Variants in GGA1 observed in about 807,000 individuals in gnomAD.
GGA1 encodes the protein golgi associated, gamma adaptin ear containing, ARF binding protein 1, also known as ADP-ribosylation factor-binding protein GGA1.
GGA1 carries 18 observed loss-of-function variants against 76.9 expected under a neutral mutation model. The ratio of observed to expected loss-of-function variants is 0.23; its 90% CI spans 0.16 to 0.35. GGA1 has a LOEUF of 0.35. GGA1 is among the 10% of genes least tolerant of loss of function. The pLI is 1.00. For missense variants in GGA1, 755 were observed against 859.0 expected (o/e 0.88, Z 1.51); for synonymous variants, 342 against 354.7 (o/e 0.96, Z 0.40).
intron 3 of GGA1, 79 bp downstream of exon 3, chr22:37,617,076 C>T: frequency 6.5e-7 from 1 of 1,550,036 alleles, no homozygotes; most frequent in Non-Finnish European, 8.7e-7. Context: ...TTCTTGGGGT[C>T]CATAAGGCTC....
intron 2 of GGA1, among the ~76,000 whole-genome samples, chr22:37,614,885 A>C (rs919152217): frequency 2.0e-5 from 3 of 152,180 alleles, no homozygotes; most frequent in Non-Finnish European, 4.4e-5. Context: ...AGGCTGAGGC[A>C]GGAGAATTGC....
chr22:37,632,413 G>A lies in GGA1; in HGVS notation c.1707G>A (p.Lys569=), dbSNP rs763333063. 8 of 1,610,016 alleles carry A rather than the reference G, an allele frequency of 5.0e-6. No individual in the cohort carries two copies. The Admixed American group carries it at 1.2e-4, about 23-fold the overall frequency. Residue 569 remains lysine (K), a synonymous_variant, in exon 16 of 17, where the codon AAG becomes AAA. Transcript: ENST00000343632. This position sits in a 1 kb window ranked among gnomAD's most constrained non-coding sequence, Gnocchi z 5.1. ...CTGCCATCTGCCCACAGGTTATGAA[G>A]GTGAAGCTGCAGCCACCCTCGGGCA... ...VFQSAVPKVM[K]VKLQPPSGTE...
chr22:37,609,764 C>T (rs1488992383), intron 1 of GGA1, among the ~76,000 whole-genome samples: 1 of 152,194 alleles, frequency 6.6e-6, no homozygotes, highest in Non-Finnish European at 1.5e-5. Flanking sequence ...GCTGGCTTCT[C>T]CCTGGTCTAG....
At chr22:37,620,488 A>G in intron 5 of GGA1, 127 bp downstream of exon 5, 2 of 993,540 alleles carry the variant, frequency 2.0e-6, no homozygotes, top group African/African-American at 1.6e-5. Context: ...TAACTTCTGG[A>G]GAAAGTACAT....
chr22:37,617,129 G>T (rs1205799975), intron 3 of GGA1, 132 bp downstream of exon 3: 24 of 1,509,550 alleles, frequency 1.6e-5, no homozygotes, highest in Non-Finnish European at 1.9e-5. Flanking sequence ...CCAGGATGGA[G>T]GTCCGGGCCT....
chr22:37,609,181 C>G (rs1926975438), intron 1 of GGA1: 2 of 1,411,844 alleles, frequency 1.4e-6, no homozygotes, highest in East Asian at 7.2e-5. Context: ...ACCCCCGGGA[C>G]GGAGAGAGCA....
rs928808675 is a variant in GGA1, at chr22:37,630,919, AC to A, written c.1354del (p.Arg452GlyfsTer64). On this transcript the variant is annotated frameshift_variant, in exon 14 of 17. Transcript: ENST00000343632. LOFTEE classifies it high-confidence loss of function. ...CCGATTAAGGGAGAAGCAGCAGCCA[AC>A]CCCCCGGCTCACACTCCGGGACCTG... is the stretch of plus-strand genomic sequence containing the variant. ...QQVRWEKQQP[T>X]PRLTLRDLQN... is the part of the protein sequence containing the mutation. 2 of 1,610,074 alleles carry A rather than the reference AC, an allele frequency of 1.2e-6. No homozygotes were observed. Among genetic ancestry groups the A allele is most frequent in the East Asian group, 2.2e-5 (1 of 44,726 alleles).
intron 2 of GGA1, among the ~76,000 whole-genome samples, chr22:37,616,719 C>T (rs1459055019): frequency 6.6e-6 from 1 of 152,200 alleles, no homozygotes; most frequent in Non-Finnish European, 1.5e-5. Context: ...CATAACTGAT[C>T]TGGAGAGGGA....
Position 37,632,144 on chromosome 22 carries a change from G to A in GGA1, c.1677G>A (p.Val559=). ...CCCCCCAGCCCATCCGCAACATCGT[G>A]TTCCAGTCAGCTGTCCCCAAGGTGA... ...STAPQPIRNI[V]FQSAVPKVMK... is the part of the protein sequence containing the mutation. Residue 559 remains valine (V), a synonymous_variant, in exon 15 of 17, where the codon GTG becomes GTA. Coordinates refer to ENST00000343632, the MANE Select transcript of GGA1 (RefSeq NM_013365.5). The surrounding 1 kb of genome is among the most constrained non-coding windows in gnomAD (Gnocchi z 5.1). 6.2e-7 allele frequency: 1 copy of A among 1,612,828 alleles called. No homozygotes were observed. The highest frequency in any genetic ancestry group is 1.1e-5 in the South Asian group (1 of 91,038).
chr22:37,613,703 C>T (rs1467884999), intron 1 of GGA1, among the ~76,000 whole-genome samples: 1 of 152,028 alleles, frequency 6.6e-6, no homozygotes, highest in Non-Finnish European at 1.5e-5. Context: ...CTGGCCCCTC[C>T]TCTGTGTTTC....
chr22:37,613,270 A>C, intron 1 of GGA1: 1 of 614,692 alleles, frequency 1.6e-6, no homozygotes, highest in Non-Finnish European at 2.0e-6. Flanking sequence ...CCATACAGCC[A>C]TGCGTGGGTC....
chr22:37,631,159 C>G, intron 14 of GGA1, 60 bp downstream of exon 14: 2 of 1,346,410 alleles, frequency 1.5e-6, no homozygotes, highest in Non-Finnish European at 2.0e-6. Flanking sequence ...CTGTCAGGAG[C>G]TCTGTCTGGG....
chr22:37,609,986 C>T (rs955841510), intron 1 of GGA1, among the ~76,000 whole-genome samples: 2 of 152,130 alleles, frequency 1.3e-5, no homozygotes, highest in African/African-American at 4.8e-5. Context: ...TCCTAGCCAC[C>T]AGAGGGGCAG....
rs754056164 is a variant in GGA1, at chr22:37,631,042, G to A, written c.1471G>A (p.Val491Ile). The A allele has an allele frequency of 1.8e-5, 29 of 1,610,562 alleles. No individual in the cohort carries two copies. The highest frequency in any genetic ancestry group is 1.6e-4 in the Middle Eastern group (1 of 6,070). The change falls in exon 14 of 17, where the codon GTA becomes ATA. Residue 491 changes from valine to isoleucine, a missense_variant. Val to Ile is a conservative substitution (Grantham distance 29, BLOSUM62 3). Transcript: ENST00000343632. ...GCCCCCCAGGCCTCCGCAGCAGCCC[G>A]TACCAACCGAGCTCTCACTGGCCAG... is the stretch of plus-strand genomic sequence containing the variant. ...PEPPRPPQQP[V>I]PTELSLASIT...
At chr22:37,620,088 C>T in intron 4 of GGA1, 150 bp from the exon 5 acceptor site, 1 of 785,212 alleles carries the variant, frequency 1.3e-6, no homozygotes, top group Non-Finnish European at 2.2e-6. Context: ...ACTCAGTCTA[C>T]CCCAGGCTGG....
intron 1 of GGA1, chr22:37,612,694 A>T (rs1290195054): frequency 6.5e-6 from 1 of 153,076 alleles, no homozygotes; most frequent in Non-Finnish European, 1.4e-5. Context: ...GAATGGCATG[A>T]ACCTGGGAGG....
rs1931965527 is a variant in GGA1, at chr22:37,632,311, G to A, written c.1699-94G>A. 7.7e-7 allele frequency: 1 copy of A among 1,303,468 alleles called. No individual in the cohort carries two copies. Among genetic ancestry groups the A allele is most frequent in the Non-Finnish European group, 1.1e-6 (1 of 909,472 alleles). 80.7% of individuals were successfully genotyped at this position (1,303,468 alleles called of 1,614,324 possible). On this transcript the variant is annotated intron_variant, in intron 15 of 16. Coordinates refer to ENST00000343632, the MANE Select transcript of GGA1 (RefSeq NM_013365.5). This position sits in a 1 kb window ranked among gnomAD's most constrained non-coding sequence, Gnocchi z 5.1. ...AGGGACCAGAAGGACTGAGCCCCAG[G>A]ATCCCCGGAGGGGAGCTGGCAGGCT...
rs372038788 is a variant in GGA1, at chr22:37,614,248, C to G, written c.102C>G (p.Cys34Trp). Residue 34 changes from cysteine to tryptophan, a missense_variant, in exon 2 of 17, where the codon TGC becomes TGG. Cys to Trp is a radical substitution (Grantham distance 215). Coordinates refer to ENST00000343632, the MANE Select transcript of GGA1 (RefSeq NM_013365.5). ...ELDWASINGFCEQLNEDFEGP... is the reference protein window; with the variant it reads ...ELDWASINGFWEQLNEDFEGP... ...ACTGGGCCAGCATCAACGGCTTCTGCGAGCAGCTCAACGAGGACTTTGAGG... is the reference window on the plus strand; with the variant it reads ...ACTGGGCCAGCATCAACGGCTTCTGGGAGCAGCTCAACGAGGACTTTGAGG... The G allele has an allele frequency of 6.2e-6, 10 of 1,613,522 alleles. No homozygotes were observed. The highest frequency in any genetic ancestry group is 7.6e-6 in the Non-Finnish European group (9 of 1,179,654).
At chr22:37,619,958 G>A (rs959852774) in intron 4 of GGA1, 5 of 646,932 alleles carry the variant, frequency 7.7e-6, no homozygotes, top group African/African-American at 1.8e-5. Flanking sequence ...CCCCAGAGCC[G>A]ACTATGAGCA....
Sources: gnomAD v4.1 joint callset for allele counts (sites outside exome capture counted in the v4.1 genomes callset) on GRCh38, gnomAD v4.1.1 for gene constraint, Gnocchi (gnomAD v3.1) non-coding constraint, MANE v1.5 for transcripts, NCBI Gene and HGNC (gene_info 2026-07-23, HGNC 2026-07-21) for gene names.